SOX6: variants seen among roughly 807,000 people sequenced by gnomAD.
SOX6 encodes SRY-box transcription factor 6, also known as transcription factor SOX-6.
SOX6 carries 11 observed loss-of-function variants against 97.8 expected under a neutral mutation model. The ratio of observed to expected loss-of-function variants is 0.11; its 90% confidence interval spans 0.07 to 0.19. The LOEUF (loss-of-function observed/expected upper bound fraction) is 0.19. SOX6 is among the 10% of genes least tolerant of loss of function. The probability of loss-of-function intolerance (pLI) is 1.00; values close to 1 mark genes in which losing one functional copy is unlikely to be tolerated. For synonymous variants in SOX6, 360 were observed against 371.4 expected (o/e 0.97, Z 0.35); for missense variants, 810 against 1,039.5 (o/e 0.78, Z 3.04).
At chr11:16,126,051 T>C (rs1849604565) in intron 6 of SOX6, among the ~76,000 whole-genome samples, 1 of 152,106 alleles carries the variant, frequency 6.6e-6, no homozygotes, top group Non-Finnish European at 1.5e-5. Context: ...TTAGGTCTGT[T>C]CCTTTCTAGA....
At chr11:16,542,557 C>T (rs1861424697) in intron 4 of SOX6, among the ~76,000 whole-genome samples, 1 of 152,062 alleles carries the variant, frequency 6.6e-6, no homozygotes, top group Admixed American at 6.6e-5. Flanking sequence ...TGCTGAGTCA[C>T]ACACACAAAA....
chr11:16,604,976 G>C (rs1439726647), intron 4 of SOX6, among the ~76,000 whole-genome samples: 2 of 152,134 alleles, frequency 1.3e-5, no homozygotes, highest in Non-Finnish European at 2.9e-5. Context: ...GCTCCTCCCG[G>C]CATCGGAGCA....
intron 3 of SOX6, among the ~76,000 whole-genome samples, chr11:16,240,275 A>AATATAGTGT (rs1853145831): frequency 7.7e-6 from 1 of 129,056 alleles, no homozygotes; most frequent in Non-Finnish European, 1.6e-5. Context: ...TAGATAATAT[A>AATATAGTGT]GTGTGTGTGT....
At chr11:15,981,310 C>G (rs866242357) in intron 15 of SOX6, among the ~76,000 whole-genome samples, 1 of 151,964 alleles carries the variant, frequency 6.6e-6, no homozygotes, top group Non-Finnish European at 1.5e-5. Context: ...ATTTAAGAAC[C>G]CTTCCTCCCA....
Position 16,410,831 on chromosome 11 carries a change from C to T in SOX6, c.-5+65484G>A, listed in dbSNP as rs977132804. ...GGAAATAAGCAGGTAAAAATGAAAA[C>T]AGATGATATACTGTGGAAGTGTATG... On this transcript the variant is annotated intron_variant, in intron 1 of 15. Transcript: ENST00000396356. Among the ~76,000 whole-genome samples, 12 of 133,934 alleles carry T rather than the reference C, an allele frequency of 9.0e-5. No individual in the cohort carries two copies. In the South Asian group the frequency reaches 2.7e-3, roughly 30 times the overall value. 87.9% of individuals were successfully genotyped at this position (133,934 alleles called of 152,430 possible).
At chr11:16,438,325 A>C (rs1859427354) in intron 1 of SOX6, among the ~76,000 whole-genome samples, 1 of 152,160 alleles carries the variant, frequency 6.6e-6, no homozygotes, top group African/African-American at 2.4e-5. Context: ...ATGACTAAAA[A>C]CTGAACCTAA....
At chr11:16,643,688 T>TC in intron 3 of SOX6, among the ~76,000 whole-genome samples, 1 of 152,256 alleles carries the variant, frequency 6.6e-6, no homozygotes, top group East Asian at 1.9e-4. Context: ...TGAGTGAGGC[T>TC]CCATGGGCAT....
At chr11:16,101,833 T>C (rs1848953984) in intron 7 of SOX6, among the ~76,000 whole-genome samples, 1 of 151,862 alleles carries the variant, frequency 6.6e-6, no homozygotes, top group Non-Finnish European at 1.5e-5. Context: ...CCAACATCCC[T>C]TTGTGATTAA....
chr11:16,620,509 A>T (rs1848530809), intron 3 of SOX6, among the ~76,000 whole-genome samples: 1 of 152,142 alleles, frequency 6.6e-6, no homozygotes, highest in South Asian at 2.1e-4. Context: ...GACTCCAGGG[A>T]TTACTGCCTC....
rs151117192 is a variant in SOX6 at position 16,117,393 on chromosome 11, C to T, written c.778-5470G>A. ...CAAAAACAAACAAACAAACAAAAAACAAGCAAAGGCAACGAGGGTCTATCA... is the reference window on the plus strand; with the variant it reads ...CAAAAACAAACAAACAAACAAAAAATAAGCAAAGGCAACGAGGGTCTATCA... On this transcript the variant is annotated intron_variant, in intron 6 of 15. Transcript: ENST00000683767. Among the ~76,000 whole-genome samples, 18 of 152,148 alleles carry T rather than the reference C, an allele frequency of 1.2e-4. No individual in the cohort carries two copies. In the East Asian group the frequency reaches 3.5e-3, roughly 29 times the overall value.
intron 3 of SOX6, among the ~76,000 whole-genome samples, chr11:16,617,283 T>A (rs987060215): frequency 2.7e-5 from 4 of 150,360 alleles, no homozygotes; most frequent in Non-Finnish European, 4.5e-5. Context: ...CATTCATGTT[T>A]GTTTAAGATA....
chr11:16,276,016 A>G (rs1854391209), intron 3 of SOX6, among the ~76,000 whole-genome samples: 1 of 152,210 alleles, frequency 6.6e-6, no homozygotes, highest in Non-Finnish European at 1.5e-5. Context: ...TAAACTAAGT[A>G]CTTTAAATAT....
intron 7 of SOX6, among the ~76,000 whole-genome samples, chr11:16,107,418 C>T (rs570633436): frequency 2.3e-4 from 32 of 141,314 alleles, no homozygotes; most frequent in African/African-American, 7.2e-4. Flanking sequence ...TATATATATA[C>T]ATATATATAC....
At chr11:16,353,023 A>G (rs1398211241) in intron 1 of SOX6, among the ~76,000 whole-genome samples, 1 of 152,038 alleles carries the variant, frequency 6.6e-6, no homozygotes, top group Non-Finnish European at 1.5e-5. Context: ...TGCTTTTCCT[A>G]GCATGCTATT....
At chr11:16,326,825 T>C (rs550542092) in intron 2 of SOX6, among the ~76,000 whole-genome samples, 2 of 152,330 alleles carry the variant, frequency 1.3e-5, no homozygotes, top group East Asian at 3.9e-4. Context: ...AAGTCTCCCA[T>C]GAGGTTACAG....
chr11:16,687,157 G>A (rs1039414462), intron 3 of SOX6, among the ~76,000 whole-genome samples: 3 of 152,158 alleles, frequency 2.0e-5, no homozygotes, highest in Non-Finnish European at 4.4e-5. Flanking sequence ...TTGAGACTGA[G>A]TAATTTAAAA....
intron 3 of SOX6, among the ~76,000 whole-genome samples, chr11:16,243,316 C>T (rs1046708594): frequency 1.3e-5 from 2 of 151,894 alleles, no homozygotes; most frequent in Non-Finnish European, 2.9e-5. Context: ...ATTATGTGAT[C>T]AAGTTTATAC....
intron 9 of SOX6, among the ~76,000 whole-genome samples, chr11:16,091,244 C>A (rs561177181): frequency 6.6e-6 from 1 of 152,208 alleles, no homozygotes; most frequent in African/African-American, 2.4e-5. Flanking sequence ...AGCAGAGCCC[C>A]ATGGCTGGCA....
chr11:16,538,275 T>C (rs1861340722), intron 4 of SOX6, among the ~76,000 whole-genome samples: 1 of 152,166 alleles, frequency 6.6e-6, no homozygotes, highest in Admixed American at 6.5e-5. Flanking sequence ...AAGCAAATGC[T>C]GAGAGATTTT....
Sources: allele counts gnomAD v4.1 joint callset (sites outside exome capture counted in the v4.1 genomes callset), GRCh38; gene constraint gnomAD v4.1.1; transcripts MANE v1.5; gene names NCBI Gene and HGNC (gene_info 2026-07-23, HGNC 2026-07-21).